TAFA5: variants seen among roughly 807,000 people sequenced by gnomAD.
TAFA5 encodes TAFA chemokine like family member 5.
A neutral mutation model predicts 15.3 loss-of-function variants in TAFA5; 6 were observed. That is an observed-to-expected ratio of 0.39 (90% CI 0.21 to 0.77). TAFA5 has a LOEUF of 0.77. Ranked by LOEUF, TAFA5 falls within the 30% of genes least tolerant of loss-of-function variation. TAFA5 has a pLI of 0.41. For synonymous variants in TAFA5, 103 were observed against 80.7 expected (o/e 1.28, Z -1.48); for missense variants, 161 against 193.1 (o/e 0.83, Z 0.98).
chr22:48,531,020 G>C (rs1053741042), intron 1 of TAFA5, among the ~76,000 whole-genome samples: 2 of 152,044 alleles, frequency 1.3e-5, no homozygotes, highest in Admixed American at 6.6e-5. Flanking sequence ...CATGCCAGCC[G>C]GCAAGAGCTG....
chr22:48,638,562 A>ACCCCTC (rs1926548285), intron 1 of TAFA5, among the ~76,000 whole-genome samples: 1 of 115,920 alleles, frequency 8.6e-6, no homozygotes, highest in African/African-American at 3.4e-5. Flanking sequence ...CACAGGCGGG[A>ACCCCTC]CCCCGACACT....
intron 1 of TAFA5, among the ~76,000 whole-genome samples, chr22:48,512,638 C>T (rs1045396025): frequency 2.7e-5 from 4 of 146,088 alleles, no homozygotes; most frequent in East Asian, 2.1e-4. Flanking sequence ...AAGAGAGAGA[C>T]GGCCGGGCGC....
intron 1 of TAFA5, among the ~76,000 whole-genome samples, chr22:48,620,191 C>G (rs935260806): frequency 6.6e-6 from 1 of 152,026 alleles, no homozygotes; most frequent in Non-Finnish European, 1.5e-5. Context: ...CTCCTCGTGC[C>G]CACTGCCCCC....
At chr22:48,505,221 A>G in intron 1 of TAFA5, among the ~76,000 whole-genome samples, 1 of 152,176 alleles carries the variant, frequency 6.6e-6, no homozygotes, top group Non-Finnish European at 1.5e-5. Flanking sequence ...CATCTCCGTG[A>G]CAAGTCACAA....
At chr22:48,745,311 G>T (rs955741399) in intron 3 of TAFA5, among the ~76,000 whole-genome samples, 3 of 145,912 alleles carry the variant, frequency 2.1e-5, no homozygotes, top group African/African-American at 7.7e-5. Context: ...TGTCGTCGGC[G>T]GCTGGCCTGT....
At chr22:48,694,186 T>C (rs130116) in intron 2 of TAFA5, among the ~76,000 whole-genome samples, 39,272 of 152,046 alleles carry the variant, frequency 0.26, 5,577 homozygotes, top group Non-Finnish European at 0.32. Context: ...TCCCCATAGG[T>C]AGAAATCAAT....
chr22:48,595,493 A>T (rs1924733431), intron 1 of TAFA5, among the ~76,000 whole-genome samples: 1 of 152,100 alleles, frequency 6.6e-6, no homozygotes, highest in Non-Finnish European at 1.5e-5. Context: ...AGCTATGAGG[A>T]GCTCCCTGAT....
chr22:48,611,519 A>G (rs1223685978), intron 1 of TAFA5, among the ~76,000 whole-genome samples: 1 of 152,014 alleles, frequency 6.6e-6, no homozygotes, highest in Non-Finnish European at 1.5e-5. Context: ...ATGCCTGGCG[A>G]GGGCTTTTGG....
chr22:48,726,063 C>T (rs1005128460), intron 3 of TAFA5, among the ~76,000 whole-genome samples: 1 of 152,126 alleles, frequency 6.6e-6, no homozygotes. Context: ...AACAAGAATC[C>T]CCACAAACAC....
intron 1 of TAFA5, among the ~76,000 whole-genome samples, chr22:48,509,477 G>T (rs1313440629): frequency 1.3e-5 from 2 of 152,062 alleles, no homozygotes; most frequent in African/African-American, 4.8e-5. Context: ...GCATTTGTTT[G>T]TGTGTTTGCC....
chr22:48,708,409 C>T (rs1929149595), intron 3 of TAFA5, among the ~76,000 whole-genome samples: 1 of 152,196 alleles, frequency 6.6e-6, no homozygotes, highest in Non-Finnish European at 1.5e-5. Flanking sequence ...CTCCCAAAGC[C>T]ACGGCTGACC....
At chr22:48,621,658 G>A (rs1477838603) in intron 1 of TAFA5, among the ~76,000 whole-genome samples, 1 of 152,216 alleles carries the variant, frequency 6.6e-6, no homozygotes, top group African/African-American at 2.4e-5. Context: ...CCAGCCTGCG[G>A]CATCAGGAGA....
At chr22:48,597,982 G>A (rs1924832392) in intron 1 of TAFA5, among the ~76,000 whole-genome samples, 1 of 152,194 alleles carries the variant, frequency 6.6e-6, no homozygotes, top group South Asian at 2.1e-4. Flanking sequence ...TACCTGTCAG[G>A]GTTCTTCAGA....
chr22:48,556,661 A>T (rs1369124959), intron 1 of TAFA5, among the ~76,000 whole-genome samples: 1 of 152,132 alleles, frequency 6.6e-6, no homozygotes, highest in Non-Finnish European at 1.5e-5. Context: ...GTGGCGGGGC[A>T]GTGACTGCAG....
chr22:48,722,579 T>C lies in TAFA5; in HGVS notation c.390+14735T>C, dbSNP rs372021218. ...TCGGGGTGGGGGGCTAGGGGAGGGA[T>C]AGCATCAGGAGAAATACCTAATGTA... On this transcript the variant is annotated intron_variant, in intron 3 of 3. Transcript: ENST00000402357. Among the ~76,000 whole-genome samples, 274 of 152,180 alleles carry C rather than the reference T, an allele frequency of 1.8e-3. 1 individual carries two copies. The highest frequency in any genetic ancestry group is 6.2e-3 in the African/African-American group (256 of 41,540).
rs115730477 is a variant in TAFA5, at chr22:48,543,122, G to A, written c.112+53418G>A. On this transcript the variant is annotated intron_variant, in intron 1 of 3. Coordinates refer to ENST00000402357, the MANE Select transcript of TAFA5 (RefSeq NM_001082967.3). Reference sequence around the variant, plus strand: ...TCTGCATCCACCTGGAGCCCTCCACGTCCTCCCCTGGCATCTGCGTCTCTG... The same window carrying A: ...TCTGCATCCACCTGGAGCCCTCCACATCCTCCCCTGGCATCTGCGTCTCTG... Among the ~76,000 whole-genome samples the A allele has an allele frequency of 2.0e-3, 307 of 152,042 alleles. 1 individual carries two copies. The highest frequency in any genetic ancestry group is 6.4e-3 in the African/African-American group (267 of 41,434).
In TAFA5 at chr22:48,560,765, C is replaced by T. The variant is rs969437966; in HGVS notation, c.112+71061C>T. The stretch of plus-strand genomic sequence containing the variant: ...CTGGGATTACAGGTGCTCAACACCA[C>T]GCCTGGATAATTTTTTGTGTTTTTA... On this transcript the variant is annotated intron_variant, in intron 1 of 3. Transcript: ENST00000402357. This position sits in a 1 kb window ranked among gnomAD's most constrained non-coding sequence, Gnocchi z 4.2. 2.0e-5 allele frequency among the ~76,000 whole-genome samples: 3 copies of T among 151,912 alleles called. No homozygotes were observed. The highest frequency in any genetic ancestry group is 2.1e-4 in the South Asian group (1 of 4,808).
chr22:48,657,542 C>G (rs1376082931), intron 2 of TAFA5, among the ~76,000 whole-genome samples: 1 of 152,206 alleles, frequency 6.6e-6, no homozygotes, highest in African/African-American at 2.4e-5. Context: ...GTTGGTATTG[C>G]CCTAATACCA....
intron 1 of TAFA5, among the ~76,000 whole-genome samples, chr22:48,554,069 G>A (rs1406401359): frequency 1.3e-5 from 2 of 152,212 alleles, no homozygotes; most frequent in Admixed American, 6.5e-5. Context: ...GTCCTCGGGC[G>A]GCCGCTCAGA....
Sources: gnomAD v4.1 joint callset for allele counts (sites outside exome capture counted in the v4.1 genomes callset) on GRCh38, gnomAD v4.1.1 for gene constraint, Gnocchi (gnomAD v3.1) non-coding constraint, MANE v1.5 for transcripts, NCBI Gene and HGNC (gene_info 2026-07-23, HGNC 2026-07-21) for gene names.